The following PPM1E variants were observed in gnomAD, a reference collection of about 807,000 sequenced individuals.
The protein encoded by PPM1E is protein phosphatase 1E.
PPM1E carries 20 observed loss-of-function variants against 65.9 expected under a neutral mutation model. The observed-to-expected ratio is 0.30, with a 90% CI of 0.21 to 0.44. The LOEUF (loss-of-function observed/expected upper bound fraction) is 0.44, where lower values mean the gene tolerates loss of function less well. Among genes scored for constraint, PPM1E ranks in the 20% least tolerant of loss-of-function variants. PPM1E has a pLI of 1.00. For missense variants in PPM1E, 713 were observed against 953.1 expected, an observed-to-expected ratio of 0.75 and a Z score of 3.32; for synonymous variants, 352 against 374.9, an observed-to-expected ratio of 0.94 and a Z score of 0.70.
chr17:58,921,557 G>T (rs1385666814), intron 1 of PPM1E, among the ~76,000 whole-genome samples: 1 of 151,676 alleles, frequency 6.6e-6, no homozygotes, highest in Non-Finnish European at 1.5e-5. Flanking sequence ...CAACATCTGG[G>T]TGCCTGTGAG....
At chr17:58,944,492 C>T (rs1465055306) in intron 1 of PPM1E, among the ~76,000 whole-genome samples, 1 of 152,084 alleles carries the variant, frequency 6.6e-6, no homozygotes, top group Non-Finnish European at 1.5e-5. Context: ...TCCTCATTCC[C>T]ACCACCCCTC....
chr17:58,816,776 ATATATATATATATATATATT>A (rs1350171749), intron 1 of PPM1E, among the ~76,000 whole-genome samples: 542 of 11,304 alleles, frequency 0.048, 22 homozygotes, highest in African/African-American at 0.14. Context: ...ATATATATAT[ATATATATATATATATATATT>A]TTTTTTTTTT....
intron 6 of PPM1E, among the ~76,000 whole-genome samples, chr17:58,973,541 A>G (rs1481895800): frequency 6.6e-6 from 1 of 150,544 alleles, no homozygotes; most frequent in Non-Finnish European, 1.5e-5. Context: ...TGGGACAGGC[A>G]CAGTGGCTCA....
In PPM1E at chr17:58,766,538, A is replaced by G. The variant is rs561446249; in HGVS notation, c.464+10077A>G. 7.4e-4 allele frequency among the ~76,000 whole-genome samples: 113 copies of G among 152,086 alleles called. 2 individuals carry two copies. Among genetic ancestry groups the G allele is most frequent in the South Asian group, 2.1e-4 (1 of 4,826 alleles). Reference sequence around the variant, plus strand: ...TCACATTTTTCTATGTTGTGAATCTAAATACAAAAACTAAGATACTAGTAA... The same window carrying G: ...TCACATTTTTCTATGTTGTGAATCTGAATACAAAAACTAAGATACTAGTAA... On this transcript the variant is annotated intron_variant, in intron 1 of 6. Coordinates refer to ENST00000308249, the MANE Select transcript of PPM1E (RefSeq NM_014906.5).
intron 1 of PPM1E, among the ~76,000 whole-genome samples, chr17:58,839,349 A>T (rs1329955932): frequency 1.3e-5 from 2 of 152,128 alleles, no homozygotes. Context: ...TTAAGGAAAA[A>T]ATAATATAAT....
intron 1 of PPM1E, among the ~76,000 whole-genome samples, chr17:58,931,085 AAG>A (rs1491039293): frequency 4.4e-4 from 44 of 99,834 alleles, no homozygotes; most frequent in African/African-American, 1.4e-3. Context: ...AAAAAAAAAA[AAG>A]AAAGAAAGAA....
intron 1 of PPM1E, among the ~76,000 whole-genome samples, chr17:58,923,822 G>A (rs2051786807): frequency 1.3e-5 from 2 of 151,632 alleles, no homozygotes; most frequent in South Asian, 2.1e-4. Flanking sequence ...GCTGAGGAGG[G>A]AGGATTGTTT....
intron 6 of PPM1E, 149 bp downstream of exon 6, chr17:58,973,074 A>G: frequency 1.7e-6 from 1 of 586,698 alleles, no homozygotes. Context: ...CGTCTCTTTT[A>G]ATTGTTTGAT....
chr17:58,805,980 A>AAAAAAAAAAACAAAAC, intron 1 of PPM1E, among the ~76,000 whole-genome samples: 1 of 107,932 alleles, frequency 9.3e-6, no homozygotes, highest in Non-Finnish European at 1.8e-5. Flanking sequence ...AAAACAAAAA[A>AAAAAAAAAAACAAAAC]AAAACAAAAC....
intron 1 of PPM1E, among the ~76,000 whole-genome samples, chr17:58,913,775 G>A (rs527891108): frequency 6.6e-6 from 1 of 152,216 alleles, no homozygotes; most frequent in Admixed American, 6.5e-5. Flanking sequence ...GCACCAGCTG[G>A]TCCATCAAAA....
At chr17:58,909,732 A>G (rs964105966) in intron 1 of PPM1E, among the ~76,000 whole-genome samples, 62 of 151,804 alleles carry the variant, frequency 4.1e-4, no homozygotes, top group Admixed American at 4.1e-3. Flanking sequence ...TCAAGATTTC[A>G]TTCTTTATCC....
intron 1 of PPM1E, among the ~76,000 whole-genome samples, chr17:58,825,222 A>ATT (rs2050522017): frequency 9.5e-6 from 1 of 105,274 alleles, no homozygotes; most frequent in Admixed American, 1.1e-4. Flanking sequence ...TCACACACAC[A>ATT]CTCACACACA....
chr17:58,941,767 G>A (rs1357296839), intron 1 of PPM1E, among the ~76,000 whole-genome samples: 6 of 150,694 alleles, frequency 4.0e-5, no homozygotes, highest in Non-Finnish European at 8.8e-5. Flanking sequence ...CACTTTGGGA[G>A]GCCGAGGCGG....
chr17:58,866,416 T>C (rs2051004354), intron 1 of PPM1E, among the ~76,000 whole-genome samples: 1 of 152,172 alleles, frequency 6.6e-6, no homozygotes, highest in Non-Finnish European at 1.5e-5. Flanking sequence ...GCAAGGACGT[T>C]CCCCCAAGAC....
chr17:58,907,611 G>A (rs1237438795), intron 1 of PPM1E, among the ~76,000 whole-genome samples: 3 of 152,160 alleles, frequency 2.0e-5, no homozygotes, highest in African/African-American at 7.2e-5. Context: ...TATAGTAGTG[G>A]ATTCATCTCT....
Position 58,835,486 on chromosome 17 carries a change from A to G in PPM1E, c.464+79025A>G, listed in dbSNP as rs144116794. Among the ~76,000 whole-genome samples, 339 of 152,080 alleles carry G rather than the reference A, an allele frequency of 2.2e-3. 6 individuals carry two copies. The highest frequency in any genetic ancestry group is 0.016 in the Admixed American group (250 of 15,262). ...TCTGGGAAATTTTATTACCTGTCAT[A>G]TTGTTGGGCCTTCCCACTGTAGCTT... On this transcript the variant is annotated intron_variant, in intron 1 of 6. Transcript: ENST00000308249.
At chr17:58,897,442 A>G (rs868092659) in intron 1 of PPM1E, among the ~76,000 whole-genome samples, 1 of 151,876 alleles carries the variant, frequency 6.6e-6, no homozygotes, top group South Asian at 2.1e-4. Context: ...AGAAAATGCT[A>G]CTGCCAATTG....
At chr17:58,920,292 C>G (rs2051735812) in intron 1 of PPM1E, among the ~76,000 whole-genome samples, 1 of 152,224 alleles carries the variant, frequency 6.6e-6, no homozygotes, top group South Asian at 2.1e-4. Flanking sequence ...AGACAATCCT[C>G]CAATGCTCAG....
chr17:58,778,923 C>CATATAT (rs1287475365), intron 1 of PPM1E, among the ~76,000 whole-genome samples: 1 of 61,778 alleles, frequency 1.6e-5, no homozygotes, highest in African/African-American at 6.8e-5. Context: ...TGAGATGATA[C>CATATAT]ATACATATAT....
Sources: gnomAD v4.1 joint callset for allele counts (sites outside exome capture counted in the v4.1 genomes callset) on GRCh38, gnomAD v4.1.1 for gene constraint, MANE v1.5 for transcripts, NCBI Gene and HGNC (gene_info 2026-07-23, HGNC 2026-07-21) for gene names.